LINGO2: variants seen among roughly 807,000 people sequenced by gnomAD.
LINGO2 encodes the protein leucine-rich repeat and immunoglobulin-like domain-containing nogo receptor-interacting protein 2.
A neutral mutation model predicts 30.6 loss-of-function variants in LINGO2; 14 were observed. The ratio of observed to expected loss-of-function variants is 0.46; its 90% confidence interval spans 0.30 to 0.72. The LOEUF (loss-of-function observed/expected upper bound fraction) is 0.72. Among genes scored for constraint, LINGO2 ranks in the 30% least tolerant of loss-of-function variants. The pLI, the probability that LINGO2 is intolerant of heterozygous loss-of-function variation, is 0.07. For missense variants in LINGO2, 729 were observed against 751.7 expected, an observed-to-expected ratio of 0.97 and a Z score of 0.35; for synonymous variants, 317 against 288.5, an observed-to-expected ratio of 1.10 and a Z score of -1.00.
the LINGO2 span, among the ~76,000 whole-genome samples, chr9:29,212,294 G>A: frequency 1.6e-4 from 24 of 151,862 alleles, no homozygotes; most frequent in East Asian, 4.1e-3. Flanking sequence ...CTGGCTCTCC[G>A]CGCTCACCCC....
At chr9:28,241,057 T>C (rs1283955404) in intron 4 of LINGO2, among the ~76,000 whole-genome samples, 1 of 151,788 alleles carries the variant, frequency 6.6e-6, no homozygotes, top group Admixed American at 6.6e-5. Flanking sequence ...GATCATGAGG[T>C]CAGGAGATCA....
At chr9:28,420,677 A>G (rs1463041612) in intron 2 of LINGO2, among the ~76,000 whole-genome samples, 2 of 152,088 alleles carry the variant, frequency 1.3e-5, no homozygotes, top group African/African-American at 4.8e-5. Context: ...TATAAAAGTA[A>G]TATGACCCAT....
At chr9:28,987,686 C>T in the LINGO2 span, among the ~76,000 whole-genome samples, 147 of 152,210 alleles carry the variant, frequency 9.7e-4, no homozygotes, top group African/African-American at 3.2e-3. Context: ...TTGTTATAAA[C>T]TTACCTCTTA....
At chr9:28,809,209 C>T in the LINGO2 span, among the ~76,000 whole-genome samples, 1 of 152,186 alleles carries the variant, frequency 6.6e-6, no homozygotes, top group East Asian at 1.9e-4. Context: ...ATAACTTTTA[C>T]ATGTACCAAA....
chr9:28,729,174 T>A, the LINGO2 span, among the ~76,000 whole-genome samples: 1 of 152,088 alleles, frequency 6.6e-6, no homozygotes, highest in Non-Finnish European at 1.5e-5. Flanking sequence ...AGTATCATGC[T>A]GGATATTGAA....
At chr9:28,281,815 G>C (rs1351361582) in intron 4 of LINGO2, among the ~76,000 whole-genome samples, 2 of 152,106 alleles carry the variant, frequency 1.3e-5, no homozygotes, top group African/African-American at 4.8e-5. Flanking sequence ...ATTTGTGACA[G>C]ACTTGTTTCT....
intron 4 of LINGO2, among the ~76,000 whole-genome samples, chr9:28,073,239 C>T (rs1337556155): frequency 1.3e-5 from 2 of 151,992 alleles, no homozygotes; most frequent in Non-Finnish European, 2.9e-5. Flanking sequence ...TTAGTTAAGG[C>T]CTACCCCGTA....
rs574482726 is a variant in LINGO2 at position 27,952,187 on chromosome 9, T to A, written c.-35-1481A>T. 5.3e-5 allele frequency among the ~76,000 whole-genome samples: 8 copies of A among 152,056 alleles called. No individual in the cohort carries two copies. In the East Asian group the frequency reaches 7.7e-4, roughly 15 times the overall value. ...CAAAATAAATGTAATTTAAAAAAAATTTTCTTGTCTACACAAACCATTTAG... is the reference window on the plus strand; with the variant it reads ...CAAAATAAATGTAATTTAAAAAAAAATTTCTTGTCTACACAAACCATTTAG... On this transcript the variant is annotated intron_variant, in intron 5 of 5. Transcript: ENST00000379992.
At chr9:28,775,216 C>T in the LINGO2 span, among the ~76,000 whole-genome samples, 70,964 of 151,968 alleles carry the variant, frequency 0.47, 19,438 homozygotes, top group African/African-American at 0.78. Flanking sequence ...GGAAAGGTCC[C>T]GGTGTTTTGG....
intron 4 of LINGO2, among the ~76,000 whole-genome samples, chr9:28,046,811 C>T (rs904367120): frequency 6.6e-6 from 1 of 152,124 alleles, no homozygotes; most frequent in African/African-American, 2.4e-5. Flanking sequence ...GCCAAGAACA[C>T]AACATTGTTG....
intron 4 of LINGO2, among the ~76,000 whole-genome samples, chr9:28,268,374 G>T (rs1822827349): frequency 6.6e-6 from 1 of 152,062 alleles, no homozygotes; most frequent in Non-Finnish European, 1.5e-5. Flanking sequence ...GACACTCAGG[G>T]TCATGCAGAA....
intron 4 of LINGO2, among the ~76,000 whole-genome samples, chr9:28,160,883 C>T (rs1828267470): frequency 6.6e-6 from 1 of 152,102 alleles, no homozygotes. Context: ...GCTACTCTTG[C>T]CCACCAGGAT....
chr9:28,725,763 A>T, the LINGO2 span, among the ~76,000 whole-genome samples: 2 of 151,780 alleles, frequency 1.3e-5, no homozygotes, highest in Non-Finnish European at 2.9e-5. Flanking sequence ...TAACAAAATT[A>T]AAAACACACA....
At chr9:28,240,258 C>T (rs1821733786) in intron 4 of LINGO2, among the ~76,000 whole-genome samples, 1 of 152,010 alleles carries the variant, frequency 6.6e-6, no homozygotes, top group African/African-American at 2.4e-5. Context: ...TGACATTCTT[C>T]ACAGAAATAG....
chr9:28,503,465 G>A (rs148815227), intron 1 of LINGO2, among the ~76,000 whole-genome samples: 2,669 of 152,046 alleles, frequency 0.018, 54 homozygotes, highest in Admixed American at 0.065. Flanking sequence ...CCTTTAGGGT[G>A]ATGACAGATT....
At chr9:28,247,063 G>A (rs1334461860) in intron 4 of LINGO2, among the ~76,000 whole-genome samples, 3 of 152,084 alleles carry the variant, frequency 2.0e-5, no homozygotes, top group Admixed American at 6.6e-5. Context: ...ACCATCTCAC[G>A]CCAGTCAGAA....
At chr9:28,947,920 T>A in the LINGO2 span, among the ~76,000 whole-genome samples, 7 of 152,106 alleles carry the variant, frequency 4.6e-5, no homozygotes, top group Non-Finnish European at 1.0e-4. Flanking sequence ...ATTTCCTAGA[T>A]GAAATGAAAC....
chr9:28,574,677 A>G (rs1587891792), intron 1 of LINGO2, among the ~76,000 whole-genome samples: 1 of 152,144 alleles, frequency 6.6e-6, no homozygotes, highest in East Asian at 1.9e-4. Flanking sequence ...GTAACCCCGC[A>G]TTCACAGATT....
chr9:28,967,680 T>C, the LINGO2 span, among the ~76,000 whole-genome samples: 1 of 152,144 alleles, frequency 6.6e-6, no homozygotes, highest in Non-Finnish European at 1.5e-5. Context: ...TCTAGATATC[T>C]AAGGGAAAAA....
Sources: allele counts gnomAD v4.1 joint callset (sites outside exome capture counted in the v4.1 genomes callset), GRCh38; gene constraint gnomAD v4.1.1; transcripts MANE v1.5; gene names NCBI Gene and HGNC (gene_info 2026-07-23, HGNC 2026-07-21).